Variants in DGKG observed in about 807,000 individuals in gnomAD.
DGKG encodes the protein DAG kinase gamma.
In DGKG, 78 loss-of-function variants were observed where a neutral mutation model predicts 105.3. That is an observed-to-expected ratio of 0.74 (90% CI 0.62 to 0.89). The LOEUF is 0.89. DGKG is among the 40% of genes least tolerant of loss of function. The probability of loss-of-function intolerance (pLI) is 0.00; values close to 1 mark genes in which losing one functional copy is unlikely to be tolerated. For synonymous variants in DGKG, 346 were observed against 367.1 expected (o/e 0.94, Z 0.66); for missense variants, 958 against 1,020.1 (o/e 0.94, Z 0.83).
chr3:186,171,295 T>C (rs1447647292), intron 22 of DGKG, among the ~76,000 whole-genome samples: 1 of 152,210 alleles, frequency 6.6e-6, no homozygotes, highest in Non-Finnish European at 1.5e-5. Flanking sequence ...AACTGAATAA[T>C]ATAGATGCTT....
chr3:186,272,684 A>G (rs902456490), intron 10 of DGKG, among the ~76,000 whole-genome samples: 2 of 152,192 alleles, frequency 1.3e-5, no homozygotes, highest in African/African-American at 4.8e-5. Context: ...ACTGTATTGC[A>G]TGCCCGGGAC....
intron 2 of DGKG, among the ~76,000 whole-genome samples, chr3:186,314,809 A>G (rs139133256): frequency 1.3e-5 from 2 of 151,124 alleles, no homozygotes; most frequent in East Asian, 1.9e-4. Flanking sequence ...TGGCTGATGT[A>G]GGAAATGTTT....
intron 14 of DGKG, among the ~76,000 whole-genome samples, chr3:186,262,836 A>C (rs1721839588): frequency 6.6e-6 from 1 of 151,986 alleles, no homozygotes; most frequent in South Asian, 2.1e-4. Context: ...CAGACTACTA[A>C]AAAAATTTTT....
chr3:186,297,057 GTCTGTCTCTCTCACA>G (rs1723601492), intron 5 of DGKG, among the ~76,000 whole-genome samples: 2 of 80,918 alleles, frequency 2.5e-5, no homozygotes, highest in Non-Finnish European at 5.0e-5. Flanking sequence ...CTGTCTGTCT[GTCTGTCTCTCTCACA>G]CACACACACA....
intron 1 of DGKG, among the ~76,000 whole-genome samples, chr3:186,334,442 A>T (rs748440853): frequency 5.3e-5 from 8 of 152,108 alleles, no homozygotes; most frequent in Non-Finnish European, 8.8e-5. Flanking sequence ...CTCTTCCTCC[A>T]CCAACCAGCA....
In DGKG at chr3:186,362,165, C is replaced by T. The variant is rs1242701512; in HGVS notation, c.-468G>A. On this transcript the variant is annotated 5_prime_UTR_variant, in exon 1 of 25. Coordinates refer to ENST00000265022, the MANE Select transcript of DGKG (RefSeq NM_001346.3). Reference sequence around the variant, plus strand: ...AGGCTGTGGTTGGTAGCGCCGGGGTCTTCACCCTGTGCTCGGAGTTCAGCA... The same window carrying T: ...AGGCTGTGGTTGGTAGCGCCGGGGTTTTCACCCTGTGCTCGGAGTTCAGCA... 6.6e-6 allele frequency: 1 copy of T among 152,334 alleles called. No homozygotes were observed. Among genetic ancestry groups the T allele is most frequent in the Non-Finnish European group, 1.5e-5 (1 of 68,148 alleles). 9.4% of individuals were successfully genotyped at this position (152,334 alleles called of 1,614,324 possible).
chr3:186,258,402 G>T (rs1266462519), intron 16 of DGKG, among the ~76,000 whole-genome samples: 1 of 152,154 alleles, frequency 6.6e-6, no homozygotes, highest in Non-Finnish European at 1.5e-5. Flanking sequence ...CTTCTCAGGA[G>T]CCTTAACCCT....
chr3:186,168,172 TG>T (rs1295804476), intron 22 of DGKG, among the ~76,000 whole-genome samples: 7 of 152,192 alleles, frequency 4.6e-5, no homozygotes, highest in African/African-American at 1.2e-4. Context: ...GCAATTTCAT[TG>T]GAAAATATAA....
chr3:186,288,660 G>C, intron 6 of DGKG, 50 bp downstream of exon 6: 1 of 1,592,066 alleles, frequency 6.3e-7, no homozygotes, highest in Non-Finnish European at 8.6e-7. Flanking sequence ...TAGAACCCCA[G>C]ATCCTTCTCT....
intron 24 of DGKG, among the ~76,000 whole-genome samples, chr3:186,156,753 A>G (rs1716054464): frequency 6.6e-6 from 1 of 151,774 alleles, no homozygotes; most frequent in East Asian, 1.9e-4. Context: ...TATTGCTTAT[A>G]TAATGATATT....
intron 10 of DGKG, among the ~76,000 whole-genome samples, chr3:186,274,634 G>A (rs898437148): frequency 7.4e-5 from 11 of 148,900 alleles, no homozygotes; most frequent in African/African-American, 2.5e-4. Flanking sequence ...GAGAACATGC[G>A]GTGTTTGGTT....
intron 20 of DGKG, among the ~76,000 whole-genome samples, chr3:186,222,502 C>T (rs1719634207): frequency 1.3e-5 from 2 of 152,192 alleles, no homozygotes; most frequent in Non-Finnish European, 2.9e-5. Flanking sequence ...TTTGAATTGA[C>T]ACAATATGAC....
At chr3:186,161,040 C>A (rs1013670493) in intron 24 of DGKG, 2 of 986,408 alleles carry the variant, frequency 2.0e-6, no homozygotes, top group South Asian at 4.7e-5. Context: ...AGATAACCTG[C>A]GTGGTGACTC....
Position 186,320,376 on chromosome 3 carries a change from T to C in DGKG, c.67+17A>G, listed in dbSNP as rs759504261. The C allele has an allele frequency of 1.9e-6, 3 of 1,614,046 alleles. No individual in the cohort carries two copies. In the African/African-American group the frequency reaches 4.0e-5, roughly 22 times the overall value. ...AAGAAGAAATCCCGTCCCAGGGCTGTCAATGCATTTACTCACATTCTGAAT... is the reference window on the plus strand; with the variant it reads ...AAGAAGAAATCCCGTCCCAGGGCTGCCAATGCATTTACTCACATTCTGAAT... On this transcript the variant is annotated intron_variant, in intron 2 of 24. Coordinates refer to ENST00000265022, the MANE Select transcript of DGKG (RefSeq NM_001346.3).
intron 13 of DGKG, among the ~76,000 whole-genome samples, chr3:186,266,111 T>C (rs1382766252): frequency 1.3e-5 from 2 of 152,224 alleles, no homozygotes. Context: ...TACAGCTTGA[T>C]GAATTTTGTA....
Position 186,203,027 on chromosome 3 carries a change from CTACAGGGTGCACAT to C in DGKG, c.1917+8754_1917+8767del, listed in dbSNP as rs1447420644. Among the ~76,000 whole-genome samples the C allele has an allele frequency of 6.6e-6, 1 of 152,074 alleles. No homozygotes were observed. Among genetic ancestry groups the C allele is most frequent in the African/African-American group, 2.4e-5 (1 of 41,400 alleles). On this transcript the variant is annotated intron_variant, in intron 21 of 24. Transcript: ENST00000265022. This position sits in a 1 kb window ranked among gnomAD's most constrained non-coding sequence, Gnocchi z 4.9. ...TGAATGAATAGAGGCTTGAAGTGAA[CTACAGGGTGCACAT>C]TAGTAAGAAATAAAAAAGAGGGTCA...
rs1325756000 is a variant in DGKG, at chr3:186,284,591, T to G, written c.594+69A>C. 7.5e-7 allele frequency: 1 copy of G among 1,329,422 alleles called. No homozygotes were observed. The highest frequency in any genetic ancestry group is 1.1e-6 in the Non-Finnish European group (1 of 922,324). 82.4% of individuals were successfully genotyped at this position (1,329,422 alleles called of 1,614,324 possible). ...ACGGAACTGAACATTTTCAGATTCT[T>G]CCTCTGCTTGCTCCCTGCTCCCCCA... On this transcript the variant is annotated intron_variant, in intron 7 of 24. Coordinates refer to ENST00000265022, the MANE Select transcript of DGKG (RefSeq NM_001346.3). This position sits in a 1 kb window ranked among gnomAD's most constrained non-coding sequence, Gnocchi z 4.0.
At chr3:186,217,472 AAC>A (rs1465578188) in intron 20 of DGKG, among the ~76,000 whole-genome samples, 1 of 152,192 alleles carries the variant, frequency 6.6e-6, no homozygotes, top group African/African-American at 2.4e-5. Flanking sequence ...GGCAAATACA[AAC>A]AGTGACACCA....
At chr3:186,208,497 G>T (rs1213601886) in intron 21 of DGKG, among the ~76,000 whole-genome samples, 1 of 151,624 alleles carries the variant, frequency 6.6e-6, no homozygotes, top group Non-Finnish European at 1.5e-5. Flanking sequence ...GTTCCTTACA[G>T]CTGTGCCCTT....
Sources: gnomAD v4.1 joint callset for allele counts (sites outside exome capture counted in the v4.1 genomes callset) on GRCh38, gnomAD v4.1.1 for gene constraint, Gnocchi (gnomAD v3.1) non-coding constraint, MANE v1.5 for transcripts, NCBI Gene and HGNC (gene_info 2026-07-23, HGNC 2026-07-21) for gene names.